Variants in TRPA1 observed in about 807,000 individuals in gnomAD.
The protein encoded by TRPA1 is transient receptor potential cation channel subfamily A member 1.
TRPA1 carries 129 observed loss-of-function variants against 131.3 expected under a neutral mutation model. The observed-to-expected ratio is 0.98, with a 90% CI of 0.85 to 1.14. TRPA1 has a LOEUF of 1.14. Ranked by LOEUF, TRPA1 falls within the 50% of genes most tolerant of loss-of-function variation. TRPA1 has a pLI of 0.00. For missense variants in TRPA1, 1,304 were observed against 1,354.2 expected, an observed-to-expected ratio of 0.96 and a Z score of 0.58; for synonymous variants, 441 against 451.7, an observed-to-expected ratio of 0.98 and a Z score of 0.30.
chr8:72,035,098 C>A (rs564450363), intron 21 of TRPA1, among the ~76,000 whole-genome samples: 122 of 152,304 alleles, frequency 8.0e-4, no homozygotes, highest in African/African-American at 2.8e-3. Context: ...CTACCCCCTG[C>A]ATCCTATATT....
intron 24 of TRPA1, among the ~76,000 whole-genome samples, chr8:72,027,411 G>A (rs1356714461): frequency 2.6e-5 from 4 of 152,150 alleles, no homozygotes; most frequent in African/African-American, 7.2e-5. Context: ...CCATGTTGAA[G>A]GGTAAGATGC....
rs369387696 is a variant in TRPA1 at position 72,051,130 on chromosome 8, T to G, written c.1812-259A>C. 7.2e-5 allele frequency among the ~76,000 whole-genome samples: 11 copies of G among 152,184 alleles called. No individual in the cohort carries two copies. The East Asian group carries it at 9.6e-4, about 13-fold the overall frequency. ...ATAATCATTGTTCTGTCTCTTTATC[T>G]AAATGCCATTCAAAGAAGCTGGGAC... is the stretch of plus-strand genomic sequence containing the variant. On this transcript the variant is annotated intron_variant, in intron 14 of 26. Coordinates refer to ENST00000262209, the MANE Select transcript of TRPA1 (RefSeq NM_007332.3).
intron 12 of TRPA1, chr8:72,054,520 T>G (rs7836192): frequency 0.52 from 80,071 of 152,664 alleles, 21,440 homozygotes; most frequent in East Asian, 0.69. Context: ...AAAAAAATTC[T>G]TGACACTATT....
intron 17 of TRPA1, 109 bp downstream of exon 17, chr8:72,046,404 T>C: frequency 3.3e-6 from 2 of 602,518 alleles, no homozygotes; most frequent in South Asian, 2.3e-5. Flanking sequence ...GTATTTCTCA[T>C]ATGTAACTAA....
Position 72,038,987 on chromosome 8 carries a change from A to G in TRPA1, c.2173T>C (p.Ser725Pro). 6.2e-7 allele frequency: 1 copy of G among 1,613,080 alleles called. No homozygotes were observed. The highest frequency in any genetic ancestry group is 8.5e-7 in the Non-Finnish European group (1 of 1,179,396). Residue 725 changes from serine to proline, a missense_variant, in exon 19 of 27, where the codon TCT (serine) becomes CCT (proline). Ser to Pro is a moderately conservative substitution (Grantham distance 74, BLOSUM62 -1). Coordinates refer to ENST00000262209, the MANE Select transcript of TRPA1 (RefSeq NM_007332.3). ...GFRAHMMNLG[S>P]YCLGLIPMTI... ...ATAGGTATGAGACCAAGACAGTAAG[A>G]TCCTAAATTCATCATATGAGCTCTA...
Position 72,069,140 on chromosome 8 carries a change from G to GT in TRPA1, c.326dup (p.Asn109LysfsTer4), listed in dbSNP as rs762799819. On this transcript the variant is annotated frameshift_variant, in exon 3 of 27. Coordinates refer to ENST00000262209, the MANE Select transcript of TRPA1 (RefSeq NM_007332.3). LOFTEE classifies it high-confidence loss of function. ...GAAGAAACTTAACGCTTTCAATTTG[G>GT]TTTTTTTCTACAGCACAATGCAGAG... 110 of 1,614,006 alleles carry GT rather than the reference G, an allele frequency of 6.8e-5. No homozygotes were observed. Among genetic ancestry groups the GT allele is most frequent in the Non-Finnish European group, 9.2e-5 (108 of 1,180,018 alleles).
chr8:72,073,602 C>T (rs572831207), intron 1 of TRPA1, among the ~76,000 whole-genome samples: 1 of 152,290 alleles, frequency 6.6e-6, no homozygotes, highest in East Asian at 1.9e-4. Context: ...AATCTACAAA[C>T]TCTATGTAGC....
At chr8:72,076,989 G>T (rs1806200369), upstream of TRPA1, among the ~76,000 whole-genome samples, 1 of 152,062 alleles carries the variant, frequency 6.6e-6, no homozygotes, top group African/African-American at 2.4e-5. Flanking sequence ...AGAATCCCAG[G>T]GTTGGGTAAA....
chr8:72,075,310 C>A lies in TRPA1; in HGVS notation c.100G>T (p.Glu34Ter), dbSNP rs559544590. Residue 34 changes from glutamate to a stop codon, truncating the protein, a stop_gained, in exon 1 of 27, where the codon GAA becomes TAA. Transcript: ENST00000262209. LOFTEE classifies it high-confidence loss of function. ...DVPDDTEDFK[E>*]SLKVVFEGSA... is the part of the protein sequence containing the mutation. ...AGCCCCCAGAGTACCTTAAGCGATT[C>A]CTTGAAATCCTCCGTGTCGTCCGGC... The A allele has an allele frequency of 6.2e-7, 1 of 1,613,344 alleles. No homozygotes were observed. Among genetic ancestry groups the A allele is most frequent in the East Asian group, 2.2e-5 (1 of 44,870 alleles).
intron 13 of TRPA1, chr8:72,053,031 G>GAT: frequency 2.6e-6 from 1 of 377,640 alleles, no homozygotes; most frequent in Non-Finnish European, 5.0e-6. Context: ...GAGAGAGAGA[G>GAT]AGAGAGAGAG....
Position 72,036,254 on chromosome 8 carries a change from T to G in TRPA1, c.2555+34A>C, listed in dbSNP as rs201760256. 6.3e-5 allele frequency: 101 copies of G among 1,607,794 alleles called. No homozygotes were observed. In the East Asian group the frequency reaches 2.0e-3, roughly 31 times the overall value. ...TTTTTCTTTTGATATTAAAAATGCT[T>G]AAAGGATGTGGAAATAATTCAAGCT... On this transcript the variant is annotated intron_variant, in intron 21 of 26. Transcript: ENST00000262209.
Position 72,059,353 on chromosome 8 carries a change from A to G in TRPA1, c.993+37T>C, listed in dbSNP as rs767387326. ...AATTATACGATTTCTTAAATTATAAATAGTAATAAAAATAAACCAGTAAAA... is the reference window on the plus strand; with the variant it reads ...AATTATACGATTTCTTAAATTATAAGTAGTAATAAAAATAAACCAGTAAAA... On this transcript the variant is annotated intron_variant, in intron 8 of 26. Coordinates refer to ENST00000262209, the MANE Select transcript of TRPA1 (RefSeq NM_007332.3). 43 of 1,298,976 alleles carry G rather than the reference A, an allele frequency of 3.3e-5. No individual in the cohort carries two copies. In the Admixed American group the frequency reaches 7.0e-4, roughly 21 times the overall value. 80.5% of individuals were successfully genotyped at this position (1,298,976 alleles called of 1,614,324 possible).
chr8:72,059,389 C>A lies in TRPA1; in HGVS notation c.993+1G>T, dbSNP rs745968158. ...AATAAACCAGTAAAAGGAATAGTTA[C>A]CACTGAAATTAAATAGTCTGCTAGC... is the stretch of plus-strand genomic sequence containing the variant. On this transcript the variant is annotated splice_donor_variant, in intron 8 of 26. Transcript: ENST00000262209. LOFTEE classifies it high-confidence loss of function. 6.4e-7 allele frequency: 1 copy of A among 1,555,592 alleles called. No homozygotes were observed. Among genetic ancestry groups the A allele is most frequent in the Non-Finnish European group, 8.8e-7 (1 of 1,134,236 alleles).
the TRPA1 span, among the ~76,000 whole-genome samples, chr8:72,085,444 A>C: frequency 1.3e-5 from 2 of 152,108 alleles, no homozygotes; most frequent in African/African-American, 4.8e-5. Context: ...TTTTTAATAC[A>C]GAAATGTTCA....
chr8:72,082,294 C>T, the TRPA1 span, among the ~76,000 whole-genome samples: 28,538 of 151,816 alleles, frequency 0.19, 2,988 homozygotes, highest in East Asian at 0.37. Context: ...ATATGTAATA[C>T]ATTTATACAT....
chr8:72,068,952 G>T, intron 3 of TRPA1, 71 bp downstream of exon 3: 1 of 1,532,336 alleles, frequency 6.5e-7, no homozygotes, highest in Non-Finnish European at 9.0e-7. Context: ...GGTGCAAGCA[G>T]AGAGAGCTGG....
chr8:72,037,979 A>C lies in TRPA1; in HGVS notation c.2385+4T>G, dbSNP rs1334196844. On this transcript the variant is annotated splice_donor_region_variant and intron_variant, in intron 20 of 26. Coordinates refer to ENST00000262209, the MANE Select transcript of TRPA1 (RefSeq NM_007332.3). ...ACTTTAGAGATACAAAATGTATTAC[A>C]TACCTGTTGGAAAATTTGCCCCGCT... 1 of 1,560,132 alleles carries C rather than the reference A, an allele frequency of 6.4e-7. No individual in the cohort carries two copies. The highest frequency in any genetic ancestry group is 1.1e-5 in the South Asian group (1 of 89,634).
upstream of TRPA1, among the ~76,000 whole-genome samples, chr8:72,075,840 C>T (rs916040567): frequency 6.7e-6 from 1 of 150,048 alleles, no homozygotes; most frequent in African/African-American, 2.5e-5. Context: ...CCTTGCCCTG[C>T]CCCCCAACCT....
intron 15 of TRPA1, among the ~76,000 whole-genome samples, chr8:72,049,940 T>A (rs913959084): frequency 4.6e-5 from 7 of 152,090 alleles, no homozygotes; most frequent in African/African-American, 1.7e-4. Flanking sequence ...TATTTTATTT[T>A]TTTTTTTAAT....
Sources: gnomAD v4.1 joint callset for allele counts (sites outside exome capture counted in the v4.1 genomes callset) on GRCh38, gnomAD v4.1.1 for gene constraint, MANE v1.5 for transcripts, NCBI Gene and HGNC (gene_info 2026-07-23, HGNC 2026-07-21) for gene names.